TRPC5: variants seen among roughly 807,000 people sequenced by gnomAD.
The protein encoded by TRPC5 is short transient receptor potential channel 5.
TRPC5 carries 9 observed loss-of-function variants against 56.5 expected under a neutral mutation model. The observed-to-expected ratio is 0.16, with a 90% CI of 0.10 to 0.28. The LOEUF (loss-of-function observed/expected upper bound fraction) is 0.28. TRPC5 is among the 10% of genes least tolerant of loss of function. The pLI, the probability that TRPC5 is intolerant of heterozygous loss-of-function variation, is 1.00. For missense variants in TRPC5, 469 were observed against 748.9 expected (o/e 0.63, Z 4.36); for synonymous variants, 282 against 278.5 (o/e 1.01, Z -0.13).
intron 3 of TRPC5, 98 bp from the exon 4 acceptor site, chrX:111,854,204 G>A: frequency 2.2e-6 from 2 of 905,089 alleles, no homozygotes; most frequent in Non-Finnish European, 3.0e-6. Context: ...CTGGCAAGGA[G>A]TTACATGGCC....
chrX:111,960,874 C>T (rs760041167), intron 1 of TRPC5, among the ~76,000 whole-genome samples: 12 of 111,131 alleles, frequency 1.1e-4, no homozygotes, highest in African/African-American at 2.6e-4. Flanking sequence ...TGCAGTGGTG[C>T]GATCTCGGCT....
intron 7 of TRPC5, among the ~76,000 whole-genome samples, chrX:111,834,097 A>C (rs1922492535): frequency 8.9e-6 from 1 of 111,980 alleles, no homozygotes; most frequent in African/African-American, 3.2e-5. Context: ...AAATAAGCTA[A>C]GGTTAGATAT....
rs758009252 is a variant in TRPC5 at position 112,054,598 on chromosome X, G to C, written c.-22+27281C>G. Among the ~76,000 whole-genome samples the C allele has an allele frequency of 6.3e-5, 7 of 111,310 alleles. No individual in the cohort carries two copies. The East Asian group carries it at 2.0e-3, about 32-fold the overall frequency. On this transcript the variant is annotated intron_variant, in intron 1 of 10. Transcript: ENST00000262839. ...GCCATGTTCCAAAATTCTGATTCAT[G>C]GGGTGGGCGTGAGAGAGGTGGGTAT...
intron 1 of TRPC5, among the ~76,000 whole-genome samples, chrX:111,973,855 C>T (rs1927848847): frequency 9.0e-6 from 1 of 111,729 alleles, no homozygotes. Flanking sequence ...TATTGTATTA[C>T]ATATGTTGTA....
chrX:111,853,942 G>A lies in TRPC5; in HGVS notation c.1065C>T (p.Asn355=). The A allele has an allele frequency of 3.3e-6, 4 of 1,211,770 alleles. No homozygotes were observed. The highest frequency in any genetic ancestry group is 1.8e-5 in the South Asian group (1 of 56,966). Residue 355 remains asparagine, a synonymous_variant, in exon 4 of 11, where the codon AAC becomes AAT. Coordinates refer to ENST00000262839, the MANE Select transcript of TRPC5 (RefSeq NM_012471.3). ...AGGGTTTCTTGATGAACAGCCCAAG[G>A]TTGCTCCTGGGTGAGATCAGGTAGG... ...SIAYLISPRS[N]LGLFIKKPFI...
At chrX:112,026,452 C>G (rs1198611482) in intron 1 of TRPC5, among the ~76,000 whole-genome samples, 3 of 111,781 alleles carry the variant, frequency 2.7e-5, no homozygotes, top group African/African-American at 9.8e-5. Flanking sequence ...GGAACCCTTT[C>G]TGCTAACAAT....
intron 1 of TRPC5, among the ~76,000 whole-genome samples, chrX:111,998,421 A>G (rs1310271912): frequency 9.0e-6 from 1 of 111,550 alleles, no homozygotes; most frequent in Non-Finnish European, 1.9e-5. Flanking sequence ...GGAATGCTGT[A>G]TATATTCTCT....
intron 6 of TRPC5, among the ~76,000 whole-genome samples, chrX:111,840,305 G>A (rs1342326630): frequency 2.7e-5 from 3 of 112,304 alleles, no homozygotes; most frequent in Non-Finnish European, 3.8e-5. Context: ...GGAATTACAG[G>A]CATGAACCAC....
intron 1 of TRPC5, among the ~76,000 whole-genome samples, chrX:111,954,987 G>A (rs899249934): frequency 8.9e-6 from 1 of 111,882 alleles, no homozygotes; most frequent in Non-Finnish European, 1.9e-5. Context: ...TGCCTCTAAT[G>A]GTAATCATAA....
At chrX:112,048,153 C>T (rs1930107189) in intron 1 of TRPC5, among the ~76,000 whole-genome samples, 1 of 111,894 alleles carries the variant, frequency 8.9e-6, no homozygotes, top group Non-Finnish European at 1.9e-5. Context: ...TGCAACCAAT[C>T]AGTGGAGTGG....
intron 3 of TRPC5, among the ~76,000 whole-genome samples, chrX:111,875,381 G>A (rs1015076077): frequency 3.6e-5 from 4 of 110,503 alleles, no homozygotes; most frequent in South Asian, 7.9e-4. Flanking sequence ...AGAGGTAGAA[G>A]TATGAGGATT....
intron 7 of TRPC5, among the ~76,000 whole-genome samples, chrX:111,827,557 C>T (rs755885359): frequency 9.0e-6 from 1 of 111,580 alleles, no homozygotes; most frequent in Non-Finnish European, 1.9e-5. Context: ...GACCAAAAAA[C>T]CTGGATGACA....
At chrX:111,960,861 C>CAGTG (rs1927360981) in intron 1 of TRPC5, among the ~76,000 whole-genome samples, 1 of 111,015 alleles carries the variant, frequency 9.0e-6, no homozygotes, top group African/African-American at 3.3e-5. Flanking sequence ...CTCTGTTGCC[C>CAGTG]AGTGCAGTGG....
chrX:111,978,037 A>G (rs113707675), intron 1 of TRPC5, among the ~76,000 whole-genome samples: 1,449 of 111,715 alleles, frequency 0.013, 26 homozygotes, highest in African/African-American at 0.045. Context: ...TAGTGCAGCC[A>G]TTATGGAAAA....
At position 111,822,463 on chromosome X, in the gene TRPC5, G is replaced by T. The variant is rs1204481464; in HGVS notation, c.1896+12458C>A. Among the ~76,000 whole-genome samples the T allele has an allele frequency of 2.7e-5, 3 of 112,000 alleles. No homozygotes were observed. In the Admixed American group the frequency reaches 2.9e-4, roughly 11 times the overall value. On this transcript the variant is annotated intron_variant, in intron 7 of 10. Transcript: ENST00000262839. ...TAATATATGCTTTTTTCTTGTTCAT[G>T]TTCATCAGATTGTCAAAGGAATCTG...
At position 111,884,653 on chromosome X, in the gene TRPC5, G is replaced by T. The variant is rs750774128; in HGVS notation, c.900+27638C>A. 1.2e-4 allele frequency among the ~76,000 whole-genome samples: 14 copies of T among 112,954 alleles called. No homozygotes were observed. In the East Asian group the frequency reaches 3.6e-3, roughly 29 times the overall value. Reference sequence around the variant, plus strand: ...CAGAGTCTAGTTAAAGTAGAGCAAAGACCTGAGACTAGTTAAGAGCTAGTT... The same window carrying T: ...CAGAGTCTAGTTAAAGTAGAGCAAATACCTGAGACTAGTTAAGAGCTAGTT... On this transcript the variant is annotated intron_variant, in intron 3 of 10. Transcript: ENST00000262839.
chrX:111,947,205 G>A (rs2148636118), intron 2 of TRPC5, among the ~76,000 whole-genome samples: 1 of 111,958 alleles, frequency 8.9e-6, no homozygotes, highest in East Asian at 2.8e-4. Flanking sequence ...TGCTAGGGAA[G>A]CAGTGTGGCT....
chrX:111,937,029 T>C (rs373057367), intron 2 of TRPC5, among the ~76,000 whole-genome samples: 3 of 105,932 alleles, frequency 2.8e-5, no homozygotes, highest in Non-Finnish European at 5.8e-5. Flanking sequence ...TTTTAATGAT[T>C]GCCATTCTAA....
In TRPC5 at chrX:111,856,408, C is replaced by T. The variant is rs1268937820; in HGVS notation, c.901-2302G>A. On this transcript the variant is annotated intron_variant, in intron 3 of 10. Transcript: ENST00000262839. The stretch of plus-strand genomic sequence containing the variant: ...ATACAAAAATTGTGGGGCGTGTTGG[C>T]GTGTACCTTAATCCCAGCTACTTGG... Among the ~76,000 whole-genome samples, 7 of 108,113 alleles carry T rather than the reference C, an allele frequency of 6.5e-5. No homozygotes were observed. The Admixed American group carries it at 7.0e-4, about 11-fold the overall frequency. The allele number at this position is 108,113 out of a possible 115,157, so 93.9% of individuals were successfully genotyped here.
Sources: gnomAD v4.1 joint callset for allele counts (sites outside exome capture counted in the v4.1 genomes callset) on GRCh38, gnomAD v4.1.1 for gene constraint, MANE v1.5 for transcripts, NCBI Gene and HGNC (gene_info 2026-07-23, HGNC 2026-07-21) for gene names.